PRUNE2: variants seen among roughly 807,000 people sequenced by gnomAD.
PRUNE2 encodes the protein prune homolog 2 with BCH domain.
In PRUNE2, 164 loss-of-function variants were observed where a neutral mutation model predicts 252.0. The observed-to-expected ratio is 0.65, with a 90% confidence interval of 0.57 to 0.74. The LOEUF (loss-of-function observed/expected upper bound fraction) is 0.74. PRUNE2 is among the 30% of genes least tolerant of loss of function. PRUNE2 has a pLI of 0.00. For synonymous variants in PRUNE2, 1,292 were observed against 1,350.2 expected, an observed-to-expected ratio of 0.96 and a Z score of 0.94; for missense variants, 3,495 against 3,711.0, an observed-to-expected ratio of 0.94 and a Z score of 1.51.
At chr9:76,673,704 C>T (rs1458598607) in intron 9 of PRUNE2, among the ~76,000 whole-genome samples, 1 of 138,828 alleles carries the variant, frequency 7.2e-6, no homozygotes, top group African/African-American at 2.7e-5. Context: ...AGCTTATCCA[C>T]CATGATCAAG....
At position 76,628,851 on chromosome 9, in the gene PRUNE2, C is replaced by CTTT. The variant is rs10632629; in HGVS notation, c.9149+338_9149+340dup. On this transcript the variant is annotated intron_variant, in intron 16 of 18. Coordinates refer to ENST00000376718, the MANE Select transcript of PRUNE2 (RefSeq NM_015225.3). ...TCCAACCCACTTCTCCAAACACACACTTTTTTTTTTTTTTGATACAGGGTC... is the reference window on the plus strand; with the variant it reads ...TCCAACCCACTTCTCCAAACACACACTTTTTTTTTTTTTTTTTGATACAGGGTC... 2.6e-3 allele frequency among the ~76,000 whole-genome samples: 378 copies of CTTT among 145,294 alleles called. 1 individual carries two copies. Among genetic ancestry groups the CTTT allele is most frequent in the South Asian group, 0.015 (69 of 4,598 alleles).
chr9:76,736,135 A>AGTGTGTGTGT (rs10536918), intron 6 of PRUNE2, among the ~76,000 whole-genome samples: 2 of 149,404 alleles, frequency 1.3e-5, no homozygotes, highest in African/African-American at 4.9e-5. Flanking sequence ...GGTTTGTGTG[A>AGTGTGTGTGT]GTGTGTGTGT....
chr9:76,803,756 A>G (rs189704617), intron 6 of PRUNE2, among the ~76,000 whole-genome samples: 401 of 152,200 alleles, frequency 2.6e-3, no homozygotes, highest in Non-Finnish European at 3.8e-3. Context: ...TTGGTGCACA[A>G]GGAAGCAAGA....
chr9:76,840,879 G>A (rs538181234), intron 4 of PRUNE2, among the ~76,000 whole-genome samples: 2 of 152,074 alleles, frequency 1.3e-5, no homozygotes, highest in East Asian at 1.9e-4. Flanking sequence ...TACTTGAGAG[G>A]CTGACGCAGG....
chr9:76,619,870 A>G (rs890152), intron 17 of PRUNE2, among the ~76,000 whole-genome samples: 29,987 of 152,192 alleles, frequency 0.2, 3,324 homozygotes, highest in East Asian at 0.33. Flanking sequence ...TGTTACAGAA[A>G]TAACAGGACA....
intron 1 of PRUNE2, among the ~76,000 whole-genome samples, chr9:76,878,576 G>A (rs1389113407): frequency 6.6e-6 from 1 of 152,230 alleles, no homozygotes; most frequent in African/African-American, 2.4e-5. Context: ...GATTTCTGAG[G>A]AGGGGTAAGA....
chr9:76,620,142 T>TTA (rs968787392), intron 17 of PRUNE2, among the ~76,000 whole-genome samples: 1 of 18,278 alleles, frequency 5.5e-5, no homozygotes, highest in Non-Finnish European at 1.7e-4. Context: ...CTCCCATAAT[T>TTA]TTTTTTTTTT....
intron 6 of PRUNE2, chr9:76,740,372 C>T (rs144173107): frequency 0.16 from 23,738 of 150,782 alleles, 2,227 homozygotes; most frequent in East Asian, 0.49. Context: ...TGGCGTGAAC[C>T]CGGGAGGTGG....
intron 4 of PRUNE2, among the ~76,000 whole-genome samples, chr9:76,840,889 G>A (rs577971365): frequency 1.5e-3 from 232 of 152,172 alleles, no homozygotes; most frequent in African/African-American, 4.8e-3. Context: ...GCTGACGCAG[G>A]AGAATCGCTT....
chr9:76,651,084 T>A (rs535374299), intron 11 of PRUNE2, among the ~76,000 whole-genome samples: 1 of 152,270 alleles, frequency 6.6e-6, no homozygotes, highest in South Asian at 2.1e-4. Context: ...TATTTGTGTA[T>A]TTCAACCTAC....
intron 3 of PRUNE2, 118 bp downstream of exon 3, chr9:76,850,345 C>T: frequency 1.3e-6 from 1 of 778,532 alleles, no homozygotes; most frequent in Non-Finnish European, 2.1e-6. Flanking sequence ...CCATGACCAG[C>T]ATGTCCTCTG....
At position 76,845,000 on chromosome 9, in the gene PRUNE2, TA is replaced by T. The variant is rs55754002; in HGVS notation, c.508+1514del. Among the ~76,000 whole-genome samples, 225 of 60,748 alleles carry T rather than the reference TA, an allele frequency of 3.7e-3. 4 individuals are homozygous for T. The highest frequency in any genetic ancestry group is 0.01 in the African/African-American group (174 of 16,930). 39.9% of individuals were successfully genotyped at this position (60,748 alleles called of 152,430 possible). A position where few individuals can be genotyped will look rare whatever the true frequency, so the allele number is the denominator to read the frequency against. On this transcript the variant is annotated intron_variant, in intron 4 of 18. Transcript: ENST00000376718. ...GCAATATGGTGAGACCCCCCTCTCT[TA>T]AAAAAAAAAAAAAAAAAAAAAAAAA...
At chr9:76,685,763 TG>T (rs2044015029) in intron 9 of PRUNE2, among the ~76,000 whole-genome samples, 2 of 152,214 alleles carry the variant, frequency 1.3e-5, no homozygotes, top group South Asian at 4.1e-4. Flanking sequence ...ACCTCATCTT[TG>T]GTACTTTGTT....
chr9:76,783,035 A>C (rs954725486), intron 6 of PRUNE2, among the ~76,000 whole-genome samples: 5 of 152,356 alleles, frequency 3.3e-5, no homozygotes, highest in Middle Eastern at 3.4e-3. Context: ...TAAAGTGCCC[A>C]AAACAGTCCA....
At chr9:76,847,821 C>T (rs1162322920) in intron 3 of PRUNE2, among the ~76,000 whole-genome samples, 1 of 152,322 alleles carries the variant, frequency 6.6e-6, no homozygotes, top group East Asian at 1.9e-4. Flanking sequence ...AGCTAGAGTT[C>T]ACAATCCCAG....
In PRUNE2 at chr9:76,906,097, G is replaced by T; in HGVS notation, c.-134C>A. On this transcript the variant is annotated 5_prime_UTR_variant, in exon 1 of 19. Coordinates refer to ENST00000376718, the MANE Select transcript of PRUNE2 (RefSeq NM_015225.3). ...ACCGACTGCTCCCTCCTGCCGCTCT[G>T]AGGCGGCTGCGGCGGAGGCTGTGCT... 1 of 975,232 alleles carries T rather than the reference G, an allele frequency of 1.0e-6. No homozygotes were observed. The highest frequency in any genetic ancestry group is 1.6e-6 in the Non-Finnish European group (1 of 614,944). 60.4% of individuals were successfully genotyped at this position (975,232 alleles called of 1,614,324 possible).
intron 6 of PRUNE2, among the ~76,000 whole-genome samples, chr9:76,794,204 G>T (rs1021144401): frequency 6.6e-6 from 1 of 152,194 alleles, no homozygotes; most frequent in Non-Finnish European, 1.5e-5. Flanking sequence ...ACGAGATACG[G>T]TGCTTCAGAG....
chr9:76,680,713 G>A (rs2043328645), intron 9 of PRUNE2, among the ~76,000 whole-genome samples: 1 of 152,106 alleles, frequency 6.6e-6, no homozygotes, highest in African/African-American at 2.4e-5. Flanking sequence ...CCTGAGACTG[G>A]GTAATTTATT....
At chr9:76,667,828 GCAA>G (rs1377192039) in intron 9 of PRUNE2, among the ~76,000 whole-genome samples, 2 of 152,184 alleles carry the variant, frequency 1.3e-5, no homozygotes, top group African/African-American at 4.8e-5. Flanking sequence ...AGTTTCTGTG[GCAA>G]CAACTGAGCT....
Sources: gnomAD v4.1 joint callset for allele counts (sites outside exome capture counted in the v4.1 genomes callset) on GRCh38, gnomAD v4.1.1 for gene constraint, MANE v1.5 for transcripts, NCBI Gene and HGNC (gene_info 2026-07-23, HGNC 2026-07-21) for gene names.